The following C1QTNF7 variants were observed in gnomAD, a reference collection of about 807,000 sequenced individuals.
C1QTNF7 encodes the protein C1q and TNF related 7.
A neutral mutation model predicts 19.6 loss-of-function variants in C1QTNF7; 15 were observed. That is an observed-to-expected ratio of 0.76 (90% CI 0.51 to 1.18). The LOEUF is 1.18. Ranked by LOEUF, C1QTNF7 falls within the 50% of genes most tolerant of loss-of-function variation. The pLI is 0.00. For synonymous variants in C1QTNF7, 142 were observed against 137.5 expected, an observed-to-expected ratio of 1.03 and a Z score of -0.23; for missense variants, 324 against 359.7, an observed-to-expected ratio of 0.90 and a Z score of 0.80.
At chr4:15,345,355 G>A (rs1011587115) in intron 1 of C1QTNF7, among the ~76,000 whole-genome samples, 3 of 152,212 alleles carry the variant, frequency 2.0e-5, no homozygotes, top group Admixed American at 6.5e-5. Context: ...CAAGAACCTG[G>A]TGTCTGAGCA....
intron 1 of C1QTNF7, among the ~76,000 whole-genome samples, chr4:15,385,732 G>C (rs1179936430): frequency 6.6e-6 from 1 of 152,184 alleles, no homozygotes; most frequent in African/African-American, 2.4e-5. Flanking sequence ...CAGCAGGCAA[G>C]GCAAGGTGGA....
At chr4:15,407,037 T>A (rs1395675187) in intron 1 of C1QTNF7, among the ~76,000 whole-genome samples, 1 of 152,200 alleles carries the variant, frequency 6.6e-6, no homozygotes, top group Non-Finnish European at 1.5e-5. Context: ...AAATCCCATC[T>A]CAACAGTATG....
intron 1 of C1QTNF7, among the ~76,000 whole-genome samples, chr4:15,385,962 G>T (rs1048717368): frequency 2.0e-5 from 3 of 152,206 alleles, no homozygotes; most frequent in African/African-American, 7.2e-5. Context: ...TTTCACTAAG[G>T]ACAGTTCTAT....
At chr4:15,398,489 C>T (rs1718870547) in intron 1 of C1QTNF7, among the ~76,000 whole-genome samples, 1 of 152,140 alleles carries the variant, frequency 6.6e-6, no homozygotes, top group South Asian at 2.1e-4. Context: ...CTTTCTGTTC[C>T]ACAGTGAACA....
intron 1 of C1QTNF7, among the ~76,000 whole-genome samples, chr4:15,359,047 C>T (rs1717246716): frequency 6.6e-6 from 1 of 152,164 alleles, no homozygotes; most frequent in African/African-American, 2.4e-5. Flanking sequence ...CTTGGACTCT[C>T]CTTTCCCCTT....
At chr4:15,402,984 G>GT (rs5856299) in intron 1 of C1QTNF7, among the ~76,000 whole-genome samples, 22,821 of 144,466 alleles carry the variant, frequency 0.16, 1,853 homozygotes, top group East Asian at 0.35. Flanking sequence ...GCTTTTTTCT[G>GT]TTTTTTTTTT....
chr4:15,375,643 T>C (rs901098819), intron 1 of C1QTNF7, among the ~76,000 whole-genome samples: 1 of 152,152 alleles, frequency 6.6e-6, no homozygotes. Flanking sequence ...ATTTTGCAAG[T>C]CCCTCATCAT....
chr4:15,389,172 G>C (rs1718459512), intron 1 of C1QTNF7, among the ~76,000 whole-genome samples: 1 of 152,170 alleles, frequency 6.6e-6, no homozygotes, highest in Non-Finnish European at 1.5e-5. Flanking sequence ...AAATCAGGAA[G>C]GGGTTGGAGA....
chr4:15,386,067 TCTC>T (rs896295826), intron 1 of C1QTNF7, among the ~76,000 whole-genome samples: 1 of 152,216 alleles, frequency 6.6e-6, no homozygotes, highest in African/African-American at 2.4e-5. Flanking sequence ...AGCTGTCTAT[TCTC>T]CTTCCTTTTC....
intron 1 of C1QTNF7, among the ~76,000 whole-genome samples, chr4:15,418,535 A>G (rs1232740480): frequency 6.6e-6 from 1 of 152,060 alleles, no homozygotes; most frequent in Non-Finnish European, 1.5e-5. Context: ...TCACCTGGCT[A>G]AGTCATCCTC....
chr4:15,438,582 A>G (rs752993811), intron 2 of C1QTNF7, among the ~76,000 whole-genome samples: 1 of 152,224 alleles, frequency 6.6e-6, no homozygotes, highest in African/African-American at 2.4e-5. Context: ...CTATTAAAGT[A>G]TCTGTCTCCC....
At chr4:15,441,945 C>G (rs529612471) in intron 2 of C1QTNF7, among the ~76,000 whole-genome samples, 2 of 152,038 alleles carry the variant, frequency 1.3e-5, no homozygotes, top group African/African-American at 2.4e-5. Context: ...TGCTTGAACC[C>G]GGAAGGCGGA....
At chr4:15,417,449 A>G (rs1719641216) in intron 1 of C1QTNF7, among the ~76,000 whole-genome samples, 1 of 152,240 alleles carries the variant, frequency 6.6e-6, no homozygotes, top group South Asian at 2.1e-4. Context: ...TTGCATTGCT[A>G]TAAAGAGATC....
At chr4:15,438,543 A>C (rs1016156529) in intron 2 of C1QTNF7, among the ~76,000 whole-genome samples, 16 of 152,360 alleles carry the variant, frequency 1.1e-4, no homozygotes, top group African/African-American at 3.8e-4. Flanking sequence ...TGAGAAATGC[A>C]GAGTTTATTA....
intron 2 of C1QTNF7, among the ~76,000 whole-genome samples, chr4:15,438,175 T>C (rs1712611690): frequency 6.6e-6 from 1 of 152,146 alleles, no homozygotes; most frequent in African/African-American, 2.4e-5. Flanking sequence ...TGAAAACAAA[T>C]TGAGATTCAA....
intron 1 of C1QTNF7, among the ~76,000 whole-genome samples, chr4:15,363,185 T>C (rs1560342440): frequency 6.6e-6 from 1 of 152,188 alleles, no homozygotes; most frequent in Non-Finnish European, 1.5e-5. Flanking sequence ...TTTTCTGCTT[T>C]GTCTGGTGTT....
chr4:15,388,337 C>G (rs9997766), intron 1 of C1QTNF7, among the ~76,000 whole-genome samples: 72,975 of 151,990 alleles, frequency 0.48, 19,157 homozygotes, highest in African/African-American at 0.69. Context: ...AGTCGACATG[C>G]TTGTGTGTTT....
intron 1 of C1QTNF7, among the ~76,000 whole-genome samples, chr4:15,396,676 T>C (rs1718796647): frequency 6.6e-6 from 1 of 152,110 alleles, no homozygotes; most frequent in African/African-American, 2.4e-5. Flanking sequence ...GGGCAACTGA[T>C]GCTCAGTCCC....
At chr4:15,378,303 C>T (rs542741504) in intron 1 of C1QTNF7, among the ~76,000 whole-genome samples, 1 of 152,292 alleles carries the variant, frequency 6.6e-6, no homozygotes, top group Admixed American at 6.5e-5. Flanking sequence ...TGTTTCATCA[C>T]CTATTAACTG....
Sources: allele counts gnomAD v4.1 joint callset (sites outside exome capture counted in the v4.1 genomes callset), GRCh38; gene constraint gnomAD v4.1.1; transcripts MANE v1.5; gene names NCBI Gene and HGNC (gene_info 2026-07-23, HGNC 2026-07-21).